The following NUDT3 variants were observed in gnomAD, a reference collection of about 807,000 sequenced individuals.
The protein encoded by NUDT3 is diphosphoinositol polyphosphate phosphohydrolase 1.
Under a neutral mutation model 23.6 loss-of-function variants are expected in NUDT3, and 9 were observed. The ratio of observed to expected loss-of-function variants is 0.38; its 90% CI spans 0.23 to 0.66. The LOEUF (loss-of-function observed/expected upper bound fraction) is 0.66, where lower values mean the gene tolerates loss of function less well. Among genes scored for constraint, NUDT3 ranks in the 30% least tolerant of loss-of-function variants. The pLI is 0.52. For missense variants in NUDT3, 172 were observed against 218.5 expected, an observed-to-expected ratio of 0.79 and a Z score of 1.34; for synonymous variants, 86 against 82.6, an observed-to-expected ratio of 1.04 and a Z score of -0.22.
intron 2 of NUDT3, among the ~76,000 whole-genome samples, chr6:34,309,716 AAAG>A (rs1344454713): frequency 1.3e-5 from 2 of 152,216 alleles, no homozygotes; most frequent in African/African-American, 4.8e-5. Flanking sequence ...ATTAAGAAAA[AAAG>A]AAGACACAAA....
intron 2 of NUDT3, among the ~76,000 whole-genome samples, chr6:34,335,715 TAA>T (rs201954004): frequency 7.0e-6 from 1 of 143,836 alleles, no homozygotes; most frequent in African/African-American, 2.5e-5. Context: ...CAGGAGTTTG[TAA>T]AAAAAAAAAG....
chr6:34,379,771 T>C (rs1581901361), intron 1 of NUDT3, among the ~76,000 whole-genome samples: 2 of 151,894 alleles, frequency 1.3e-5, no homozygotes, highest in African/African-American at 4.8e-5. Context: ...TCTCAGCACT[T>C]TGGGAGGCCA....
At chr6:34,389,333 G>T (rs1765158357) in intron 1 of NUDT3, among the ~76,000 whole-genome samples, 1 of 152,178 alleles carries the variant, frequency 6.6e-6, no homozygotes, top group Non-Finnish European at 1.5e-5. Flanking sequence ...TGTGAAGAAG[G>T]TTCTTACTTC....
chr6:34,299,021 A>G (rs1763556970), intron 2 of NUDT3, among the ~76,000 whole-genome samples: 1 of 152,208 alleles, frequency 6.6e-6, no homozygotes, highest in African/African-American at 2.4e-5. Flanking sequence ...TACCTTAACT[A>G]TCTTACTTTT....
chr6:34,334,981 G>GAGA, intron 2 of NUDT3, among the ~76,000 whole-genome samples: 1 of 150,674 alleles, frequency 6.6e-6, no homozygotes, highest in South Asian at 2.1e-4. Context: ...GAGAAAGAAA[G>GAGA]AGAGAGAAGA....
In NUDT3 at chr6:34,287,050, A is replaced by G. The variant is rs939762204; in HGVS notation, c.*1703T>C. ...TGCCTCAGCCTCCCAAAGTGCTGGG[A>G]TTACAGGTGTGAGCCACCGTGCCCA... On this transcript the variant is annotated 3_prime_UTR_variant, in exon 5 of 5. Transcript: ENST00000607016. The G allele has an allele frequency of 1.3e-5, 2 of 152,182 alleles. No homozygotes were observed. Among genetic ancestry groups the G allele is most frequent in the African/African-American group, 4.8e-5 (2 of 41,434 alleles). The allele number at this position is 152,182 out of a possible 1,614,324, so 9.4% of individuals were successfully genotyped here.
intron 1 of NUDT3, among the ~76,000 whole-genome samples, chr6:34,370,023 A>G (rs1356465636): frequency 6.6e-6 from 1 of 152,218 alleles, no homozygotes; most frequent in African/African-American, 2.4e-5. Context: ...CTGAAACATA[A>G]TATTTAGAAA....
chr6:34,317,911 A>G (rs907957497), intron 2 of NUDT3, among the ~76,000 whole-genome samples: 12 of 152,160 alleles, frequency 7.9e-5, no homozygotes, highest in African/African-American at 2.9e-4. Context: ...AGCTATCTCA[A>G]TGATCTCCAT....
rs1317936250 is a variant in NUDT3, at chr6:34,284,592, T to C, written c.*4161A>G. On this transcript the variant is annotated 3_prime_UTR_variant, in exon 5 of 5. Coordinates refer to ENST00000607016, the MANE Select transcript of NUDT3 (RefSeq NM_006703.4). ...GACTCCAACAAAGGCATTAAGAAAGTACTAGATGAAAATGAGAAATATGTG... is the reference window on the plus strand; with the variant it reads ...GACTCCAACAAAGGCATTAAGAAAGCACTAGATGAAAATGAGAAATATGTG... 6.7e-6 allele frequency: 1 copy of C among 149,378 alleles called. No homozygotes were observed. The highest frequency in any genetic ancestry group is 1.5e-5 in the Non-Finnish European group (1 of 67,676). 9.3% of individuals were successfully genotyped at this position (149,378 alleles called of 1,614,324 possible).
intron 1 of NUDT3, among the ~76,000 whole-genome samples, chr6:34,356,023 G>A (rs1011533873): frequency 2.6e-5 from 4 of 152,152 alleles, no homozygotes; most frequent in African/African-American, 9.7e-5. Flanking sequence ...AATCTCAAGA[G>A]AGAAAGCATG....
chr6:34,341,969 G>C lies in NUDT3; in HGVS notation c.103C>G (p.Leu35Val), dbSNP rs770381410. The C allele has an allele frequency of 6.2e-7, 1 of 1,612,358 alleles. No individual in the cohort carries two copies. The highest frequency in any genetic ancestry group is 1.1e-5 in the South Asian group (1 of 90,866). ...CFRSESEEEVLLVSSSRHPDR... is the reference protein window; with the variant it reads ...CFRSESEEEVVLVSSSRHPDR... ...GGATGGCGACTACTGCTCACGAGTA[G>C]CACCTGTTAAGTCACAAAGGTTGCA... The change falls in exon 2 of 5, where the codon CTA becomes GTA. Residue 35 changes from leucine (L) to valine (V), a missense_variant. By Grantham distance (32) the Leu-to-Val change is conservative. Transcript: ENST00000607016.
At chr6:34,342,024 C>T in intron 1 of NUDT3, 52 bp from the exon 2 acceptor site, 1 of 1,522,574 alleles carries the variant, frequency 6.6e-7, no homozygotes, top group Admixed American at 1.8e-5. Flanking sequence ...AAGACACATC[C>T]ACACAAATTC....
At chr6:34,297,755 ATAT>A (rs1326677748) in intron 2 of NUDT3, among the ~76,000 whole-genome samples, 3 of 90,402 alleles carry the variant, frequency 3.3e-5, no homozygotes, top group Non-Finnish European at 6.2e-5. Context: ...ATATATATAT[ATAT>A]AATTTTTTTT....
chr6:34,324,570 T>C (rs547423370), intron 2 of NUDT3, among the ~76,000 whole-genome samples: 3 of 152,302 alleles, frequency 2.0e-5, no homozygotes, highest in Non-Finnish European at 2.9e-5. Context: ...GCACCCAGCA[T>C]GTCTCCATTT....
chr6:34,294,158 G>T (rs1763465393), intron 3 of NUDT3, among the ~76,000 whole-genome samples: 1 of 152,018 alleles, frequency 6.6e-6, no homozygotes, highest in African/African-American at 2.4e-5. Flanking sequence ...GCTAATTTTT[G>T]TATTTTTAGT....
At chr6:34,391,769 G>C (rs1165770676) in intron 1 of NUDT3, among the ~76,000 whole-genome samples, 2 of 125,290 alleles carry the variant, frequency 1.6e-5, no homozygotes, top group African/African-American at 6.2e-5. Flanking sequence ...CCTCAGCTTT[G>C]GGCTCACAGA....
chr6:34,375,517 T>C (rs763965915), intron 1 of NUDT3, among the ~76,000 whole-genome samples: 4 of 152,174 alleles, frequency 2.6e-5, no homozygotes, highest in Non-Finnish European at 5.9e-5. Context: ...TATAAAACTA[T>C]CACTTCAATC....
intron 1 of NUDT3, among the ~76,000 whole-genome samples, chr6:34,366,495 G>A (rs982010327): frequency 1.5e-5 from 2 of 129,722 alleles, no homozygotes; most frequent in African/African-American, 2.8e-5. Flanking sequence ...GAGGGAGGGA[G>A]GGAGGGAGGG....
chr6:34,375,099 C>T (rs1338195649), intron 1 of NUDT3, among the ~76,000 whole-genome samples: 5 of 152,202 alleles, frequency 3.3e-5, no homozygotes, highest in Admixed American at 3.3e-4. Context: ...GTAATCCCAG[C>T]ACTTTGGCCG....
Sources: allele counts gnomAD v4.1 joint callset (sites outside exome capture counted in the v4.1 genomes callset), GRCh38; gene constraint gnomAD v4.1.1; transcripts MANE v1.5; gene names NCBI Gene and HGNC (gene_info 2026-07-23, HGNC 2026-07-21).